Variants in CCSAP observed in about 807,000 individuals in gnomAD.
The protein encoded by CCSAP is centriole, cilia and spindle associated protein.
CCSAP carries 17 observed loss-of-function variants against 25.9 expected under a neutral mutation model. The ratio of observed to expected loss-of-function variants is 0.66; its 90% confidence interval spans 0.45 to 0.99. CCSAP has a LOEUF of 0.99. Among genes scored for constraint, CCSAP ranks in the 50% least tolerant of loss-of-function variants. The pLI is 0.00. For synonymous variants in CCSAP, 169 were observed against 157.1 expected (o/e 1.08, Z -0.57); for missense variants, 339 against 367.8 (o/e 0.92, Z 0.64).
intron 2 of CCSAP, among the ~76,000 whole-genome samples, chr1:229,335,103 C>T (rs1658166343): frequency 6.6e-6 from 1 of 152,034 alleles, no homozygotes; most frequent in East Asian, 1.9e-4. Context: ...TGCTTGAGCT[C>T]AGGAGTTTAA....
chr1:229,340,138 T>C (rs1354732596), intron 2 of CCSAP, among the ~76,000 whole-genome samples: 1 of 152,216 alleles, frequency 6.6e-6, no homozygotes, highest in African/African-American at 2.4e-5. Flanking sequence ...TTATATTTTA[T>C]AGAAACTCAA....
chr1:229,339,295 T>C (rs544001110), intron 2 of CCSAP, among the ~76,000 whole-genome samples: 63 of 151,796 alleles, frequency 4.2e-4, no homozygotes, highest in Non-Finnish European at 7.8e-4. Context: ...CTACAAAAGA[T>C]CAAGATCAAG....
intron 3 of CCSAP, 132 bp downstream of exon 3, chr1:229,326,606 C>G: frequency 9.4e-7 from 1 of 1,065,458 alleles, no homozygotes. Context: ...CCCAACCCAC[C>G]ATGCTATCCC....
chr1:229,338,538 A>AATACACACACAC (rs112991384), intron 2 of CCSAP, among the ~76,000 whole-genome samples: 19 of 141,906 alleles, frequency 1.3e-4, no homozygotes, highest in African/African-American at 4.7e-4. Flanking sequence ...CCCAAACCCC[A>AATACACACACAC]ACACACACAC....
rs1657896085 is a variant in CCSAP at position 229,324,497 on chromosome 1, G to A, written c.*738C>T. The stretch of plus-strand genomic sequence containing the variant: ...ACTCAAAAGAAACTTTACTACTACT[G>A]TACACACATATTGTGTTGTGTGCAC... On this transcript the variant is annotated 3_prime_UTR_variant, in exon 4 of 4. Coordinates refer to ENST00000284617, the MANE Select transcript of CCSAP (RefSeq NM_145257.5). The A allele has an allele frequency of 6.6e-6, 1 of 151,400 alleles. No individual in the cohort carries two copies. The highest frequency in any genetic ancestry group is 1.5e-5 in the Non-Finnish European group (1 of 67,898). The allele number at this position is 151,400 out of a possible 1,614,324, so 9.4% of individuals were successfully genotyped here.
At chr1:229,333,658 T>C (rs1193652884) in intron 2 of CCSAP, among the ~76,000 whole-genome samples, 2 of 151,978 alleles carry the variant, frequency 1.3e-5, no homozygotes, top group Non-Finnish European at 2.9e-5. Flanking sequence ...GGCGGGTGCA[T>C]AGCCTGAACT....
intron 2 of CCSAP, among the ~76,000 whole-genome samples, chr1:229,328,575 G>A (rs1349446018): frequency 6.6e-6 from 1 of 152,148 alleles, no homozygotes; most frequent in African/African-American, 2.4e-5. Context: ...CCAAAGTGCT[G>A]GGATTACAGG....
intron 2 of CCSAP, among the ~76,000 whole-genome samples, chr1:229,328,372 C>CT (rs1234853437): frequency 2.8e-4 from 43 of 152,290 alleles, no homozygotes; most frequent in African/African-American, 1.0e-3. Flanking sequence ...GCGATCATGG[C>CT]TTATTGCAGC....
At chr1:229,331,054 A>C (rs1258826370) in intron 2 of CCSAP, among the ~76,000 whole-genome samples, 2 of 152,126 alleles carry the variant, frequency 1.3e-5, no homozygotes. Context: ...CTCCCCACTA[A>C]GGATGACCTG....
intron 2 of CCSAP, among the ~76,000 whole-genome samples, chr1:229,338,348 T>C (rs976989795): frequency 1.3e-5 from 2 of 152,180 alleles, no homozygotes; most frequent in Non-Finnish European, 2.9e-5. Flanking sequence ...AGGATCATGT[T>C]TTTTTCATTT....
At position 229,337,670 on chromosome 1, in the gene CCSAP, C is replaced by CAA. The variant is rs539736168; in HGVS notation, c.367+4427_367+4428dup. 8.2e-4 allele frequency among the ~76,000 whole-genome samples: 46 copies of CAA among 56,036 alleles called. 5 individuals are homozygous for CAA. Among genetic ancestry groups the CAA allele is most frequent in the Admixed American group, 1.0e-3 (5 of 4,864 alleles). 36.8% of individuals were successfully genotyped at this position (56,036 alleles called of 152,430 possible). A position where few individuals can be genotyped will look rare whatever the true frequency, so the allele number is the denominator to read the frequency against. On this transcript the variant is annotated intron_variant, in intron 2 of 3. Transcript: ENST00000284617. ...CTAGACTGGAACAAGATCAAAGGCT[C>CAA]AAAAAAAAATATATATATATATATA...
At chr1:229,336,069 T>C (rs919727014) in intron 2 of CCSAP, among the ~76,000 whole-genome samples, 5 of 150,748 alleles carry the variant, frequency 3.3e-5, no homozygotes, top group African/African-American at 9.8e-5. Flanking sequence ...GCACAGGTTA[T>C]ATGCAAATAC....
At chr1:229,341,468 G>C (rs922177424) in intron 2 of CCSAP, among the ~76,000 whole-genome samples, 3 of 152,186 alleles carry the variant, frequency 2.0e-5, no homozygotes, top group African/African-American at 7.2e-5. Flanking sequence ...GAAAACACGC[G>C]CAGCGCCACC....
At position 229,342,228 on chromosome 1, in the gene CCSAP, A is replaced by G; in HGVS notation, c.238T>C (p.Ser80Pro). Residue 80 changes from serine (S) to proline (P), a missense_variant, in exon 2 of 4, where the codon TCG (serine) becomes CCG (proline). By Grantham distance (74) the Ser-to-Pro change is moderately conservative. Coordinates refer to ENST00000284617, the MANE Select transcript of CCSAP (RefSeq NM_145257.5). This position sits in a 1 kb window ranked among gnomAD's most constrained non-coding sequence, Gnocchi z 7.5. Reference protein sequence around the residue: ...GGPAPRCAPPSPPPPVEPATQ... With the variant: ...GGPAPRCAPPPPPPPVEPATQ... Reference sequence around the variant, plus strand: ...GCCGGCTCTACGGGCGGCGGGGGCGAGGGCGGGGCGCACCGGGGTGCGGGG... The same window carrying G: ...GCCGGCTCTACGGGCGGCGGGGGCGGGGGCGGGGCGCACCGGGGTGCGGGG... 1.4e-5 allele frequency: 18 copies of G among 1,253,912 alleles called. No individual in the cohort carries two copies. Among genetic ancestry groups the G allele is most frequent in the South Asian group, 3.2e-5 (1 of 31,094 alleles). The allele number at this position is 1,253,912 out of a possible 1,614,324, so 77.7% of individuals were successfully genotyped here. A position where few individuals can be genotyped will look rare whatever the true frequency, so the allele number is the denominator to read the frequency against.
At chr1:229,339,887 G>A (rs1658288656) in intron 2 of CCSAP, among the ~76,000 whole-genome samples, 1 of 152,110 alleles carries the variant, frequency 6.6e-6, no homozygotes, top group South Asian at 2.1e-4. Context: ...TGTGGAGATG[G>A]GCCGTGTGTG....
At chr1:229,329,648 AACAC>A (rs1192302751) in intron 2 of CCSAP, among the ~76,000 whole-genome samples, 9 of 152,182 alleles carry the variant, frequency 5.9e-5, no homozygotes, top group African/African-American at 2.2e-4. Context: ...CAGTTAGAAA[AACAC>A]ACCGATCAGA....
intron 2 of CCSAP, among the ~76,000 whole-genome samples, chr1:229,331,589 G>A (rs1208515497): frequency 6.6e-6 from 1 of 151,872 alleles, no homozygotes; most frequent in African/African-American, 2.4e-5. Context: ...TTAAACCTCA[G>A]GGGCAGGCCC....
chr1:229,340,031 T>C (rs1387756862), intron 2 of CCSAP, among the ~76,000 whole-genome samples: 1 of 152,008 alleles, frequency 6.6e-6, no homozygotes, highest in Non-Finnish European at 1.5e-5. Context: ...AAAACCAGGG[T>C]GTTATGTATG....
intron 2 of CCSAP, among the ~76,000 whole-genome samples, chr1:229,337,284 G>C (rs1658215218): frequency 6.6e-6 from 1 of 151,608 alleles, no homozygotes; most frequent in Non-Finnish European, 1.5e-5. Flanking sequence ...AAACATAGGG[G>C]GGTCACACAC....
Sources: gnomAD v4.1 joint callset for allele counts (sites outside exome capture counted in the v4.1 genomes callset) on GRCh38, gnomAD v4.1.1 for gene constraint, Gnocchi (gnomAD v3.1) non-coding constraint, MANE v1.5 for transcripts, NCBI Gene and HGNC (gene_info 2026-07-23, HGNC 2026-07-21) for gene names.